The following DLGAP1 variants were observed in gnomAD, a reference collection of about 807,000 sequenced individuals.
DLGAP1 encodes the protein disks large-associated protein 1.
In DLGAP1, 11 loss-of-function variants were observed where a neutral mutation model predicts 90.8. The observed-to-expected ratio is 0.12, with a 90% CI of 0.08 to 0.20. DLGAP1 has a LOEUF of 0.20. DLGAP1 is among the 10% of genes least tolerant of loss of function. DLGAP1 has a pLI of 1.00. For missense variants in DLGAP1, 1,050 were observed against 1,333.8 expected (o/e 0.79, Z 3.31); for synonymous variants, 558 against 540.7 (o/e 1.03, Z -0.44).
chr18:4,292,997 T>C (rs2079888586), intron 1 of DLGAP1, among the ~76,000 whole-genome samples: 1 of 152,210 alleles, frequency 6.6e-6, no homozygotes, highest in Admixed American at 6.5e-5. Flanking sequence ...TGACATTTAC[T>C]TACCTATTTA....
intron 1 of DLGAP1, among the ~76,000 whole-genome samples, chr18:4,233,606 A>G (rs865804303): frequency 1.3e-5 from 2 of 152,030 alleles, no homozygotes; most frequent in Admixed American, 1.3e-4. Context: ...CTCCTTTTCC[A>G]TGCTTTATTT....
At chr18:3,551,933 C>T (rs1376315927) in intron 9 of DLGAP1, among the ~76,000 whole-genome samples, 1 of 150,716 alleles carries the variant, frequency 6.6e-6, no homozygotes, top group African/African-American at 2.5e-5. Flanking sequence ...CAGCCGCCAT[C>T]ACACTTGGCT....
intron 2 of DLGAP1, among the ~76,000 whole-genome samples, chr18:4,092,323 G>A (rs546606431): frequency 6.6e-6 from 1 of 152,250 alleles, no homozygotes; most frequent in African/African-American, 2.4e-5. Flanking sequence ...CAGCGAAGAG[G>A]TTTTCCATTG....
At chr18:3,772,336 CTCTCTCTCTCTCTTTCTTTCTT>C (rs1278309021) in intron 5 of DLGAP1, among the ~76,000 whole-genome samples, 6 of 41,098 alleles carry the variant, frequency 1.5e-4, no homozygotes, top group South Asian at 6.5e-4. Context: ...CTCTCCTTCT[CTCTCTCTCTCTCTTTCTTTCTT>C]TCTTTCTTTC....
intron 1 of DLGAP1, among the ~76,000 whole-genome samples, chr18:4,405,199 A>G (rs1200859023): frequency 2.0e-5 from 3 of 152,228 alleles, no homozygotes; most frequent in Non-Finnish European, 4.4e-5. Flanking sequence ...ATCAGCAGCT[A>G]GAACACTCGC....
chr18:3,665,739 T>C (rs2059855338), intron 7 of DLGAP1, among the ~76,000 whole-genome samples: 1 of 152,218 alleles, frequency 6.6e-6, no homozygotes, highest in Non-Finnish European at 1.5e-5. Flanking sequence ...ACCTCTACAG[T>C]GGCAGGGCTA....
At chr18:4,345,394 G>A (rs1568527364) in intron 1 of DLGAP1, among the ~76,000 whole-genome samples, 1 of 152,160 alleles carries the variant, frequency 6.6e-6, no homozygotes, top group Non-Finnish European at 1.5e-5. Context: ...AAAGATACAT[G>A]GAAGTAAACT....
At chr18:3,944,140 C>T (rs1002388061) in intron 3 of DLGAP1, among the ~76,000 whole-genome samples, 11 of 152,152 alleles carry the variant, frequency 7.2e-5, no homozygotes, top group Admixed American at 1.3e-4. Flanking sequence ...TGTGTAGTGA[C>T]GAGATGAGAT....
In DLGAP1 at chr18:4,164,008, T is replaced by C. The variant is rs552114201; in HGVS notation, c.-266-12721A>G. 1.9e-4 allele frequency among the ~76,000 whole-genome samples: 29 copies of C among 152,240 alleles called. No homozygotes were observed. The South Asian group carries it at 5.6e-3, about 29-fold the overall frequency. ...AGTGAAAATTCACTCAGCTCACTCA[T>C]GTAGTACTAGCACGGGTGAGTGGAA... On this transcript the variant is annotated intron_variant, in intron 1 of 12. Transcript: ENST00000315677.
At chr18:3,678,841 C>T (rs974308526) in intron 7 of DLGAP1, among the ~76,000 whole-genome samples, 5 of 152,116 alleles carry the variant, frequency 3.3e-5, no homozygotes, top group Non-Finnish European at 5.9e-5. Context: ...TGCTATGCAT[C>T]GCAATACATG....
intron 1 of DLGAP1, among the ~76,000 whole-genome samples, chr18:4,300,487 C>T (rs796842217): frequency 5.3e-5 from 8 of 152,176 alleles, no homozygotes; most frequent in African/African-American, 1.9e-4. Context: ...CAATTACACG[C>T]CTCTTTTGAT....
Position 3,534,311 on chromosome 18 carries a change from C to T in DLGAP1, c.2362G>A (p.Val788Met), listed in dbSNP as rs1263284108. 4.3e-6 allele frequency: 7 copies of T among 1,614,128 alleles called. No homozygotes were observed. The highest frequency in any genetic ancestry group is 5.1e-6 in the Non-Finnish European group (6 of 1,180,056). The change falls in exon 10 of 13, where the codon GTG becomes ATG. Residue 788 changes from valine (V) to methionine (M), a missense_variant. By Grantham distance (21) the Val-to-Met change is conservative. Coordinates refer to ENST00000315677, the MANE Select transcript of DLGAP1 (RefSeq NM_004746.4). The stretch of plus-strand genomic sequence containing the variant: ...AACCAGTGGCCATCCCGGTGGCACA[C>T]TGACCTTTGCACGGCCTCCAGAGGG... ...EDPLEAVQRS[V>M]CHRDGHWFLK...
Position 4,272,253 on chromosome 18 carries a change from A to G in DLGAP1, c.-266-120966T>C, listed in dbSNP as rs143699728. Among the ~76,000 whole-genome samples the G allele has an allele frequency of 1.3e-3, 198 of 152,318 alleles. 3 individuals carry two copies. Among genetic ancestry groups the G allele is most frequent in the Admixed American group, 9.5e-3 (145 of 15,298 alleles). ...GAAGAACTGTCATCTACAAACTTAT[A>G]TAAGATTTCCTCATCTGCAGCTTTT... is the stretch of plus-strand genomic sequence containing the variant. On this transcript the variant is annotated intron_variant, in intron 1 of 12. Coordinates refer to ENST00000315677, the MANE Select transcript of DLGAP1 (RefSeq NM_004746.4).
intron 3 of DLGAP1, among the ~76,000 whole-genome samples, chr18:3,954,615 A>T (rs1232080201): frequency 6.6e-6 from 1 of 152,222 alleles, no homozygotes; most frequent in Non-Finnish European, 1.5e-5. Context: ...GGAAAGTCTC[A>T]GAATTATCTA....
At chr18:3,831,528 A>G (rs952803118) in intron 4 of DLGAP1, among the ~76,000 whole-genome samples, 10 of 152,238 alleles carry the variant, frequency 6.6e-5, no homozygotes, top group Non-Finnish European at 7.3e-5. Flanking sequence ...CTGCCAATAT[A>G]GAATTCTGAA....
At chr18:4,144,202 G>A (rs997650258) in intron 2 of DLGAP1, among the ~76,000 whole-genome samples, 21 of 152,210 alleles carry the variant, frequency 1.4e-4, no homozygotes, top group Non-Finnish European at 7.3e-5. Flanking sequence ...AGTCCTTGTG[G>A]CCTAGACTAG....
intron 3 of DLGAP1, among the ~76,000 whole-genome samples, chr18:3,922,075 T>C (rs1296361576): frequency 3.3e-5 from 5 of 152,038 alleles, no homozygotes; most frequent in Admixed American, 6.6e-5. Flanking sequence ...AGGCAGCAGG[T>C]TAAAATGAGG....
At chr18:4,016,228 A>G (rs1395734675) in intron 2 of DLGAP1, among the ~76,000 whole-genome samples, 6 of 152,248 alleles carry the variant, frequency 3.9e-5, no homozygotes, top group Admixed American at 3.3e-4. Flanking sequence ...ATAAATCTAC[A>G]GTGGTCTTCA....
At chr18:4,253,063 G>A (rs1037743278) in intron 1 of DLGAP1, among the ~76,000 whole-genome samples, 8 of 152,124 alleles carry the variant, frequency 5.3e-5, no homozygotes, top group African/African-American at 1.9e-4. Flanking sequence ...TGCAGTATGC[G>A]GTGTTACGTA....
Sources: gnomAD v4.1 joint callset for allele counts (sites outside exome capture counted in the v4.1 genomes callset) on GRCh38, gnomAD v4.1.1 for gene constraint, MANE v1.5 for transcripts, NCBI Gene and HGNC (gene_info 2026-07-23, HGNC 2026-07-21) for gene names.